The following GSN variants were observed in gnomAD, a reference collection of about 807,000 sequenced individuals.
GSN encodes actin-depolymerizing factor.
In GSN, 56 loss-of-function variants were observed where a neutral mutation model predicts 85.7. That is an observed-to-expected ratio of 0.65 (90% CI 0.53 to 0.82). The LOEUF (loss-of-function observed/expected upper bound fraction) is 0.82, where lower values mean the gene tolerates loss of function less well. GSN is among the 40% of genes least tolerant of loss of function. The probability of loss-of-function intolerance (pLI) is 0.00; values close to 1 mark genes in which losing one functional copy is unlikely to be tolerated. For synonymous variants in GSN, 373 were observed against 399.1 expected (o/e 0.93, Z 0.78); for missense variants, 857 against 979.8 (o/e 0.87, Z 1.67).
chr9:121,212,098 T>C (rs1353403642), intron 4 of GSN, among the ~76,000 whole-genome samples: 1 of 152,124 alleles, frequency 6.6e-6, no homozygotes, highest in Non-Finnish European at 1.5e-5. Context: ...TAGAGTCCCT[T>C]ATATGGGCCG....
In GSN at chr9:121,312,324, G is replaced by T. The variant is rs763315742; in HGVS notation, c.514-15G>T. 5 of 1,613,846 alleles carry T rather than the reference G, an allele frequency of 3.1e-6. No homozygotes were observed. The highest frequency in any genetic ancestry group is 4.2e-6 in the Non-Finnish European group (5 of 1,179,918). ...GGAAGGCGGGGCACTGACTTCCTGG[G>T]TCTCTGTCTTCCAGAACATCCACCA... is the stretch of plus-strand genomic sequence containing the variant. On this transcript the variant is annotated splice_polypyrimidine_tract_variant and intron_variant, in intron 5 of 17. Transcript: ENST00000432226.
upstream of GSN, among the ~76,000 whole-genome samples, chr9:121,266,630 A>G (rs1031602141): frequency 6.6e-6 from 1 of 152,244 alleles, no homozygotes; most frequent in African/African-American, 2.4e-5. Flanking sequence ...GGACTCAGGC[A>G]TAGAAGAGTA....
At chr9:121,282,807 AATGTT>A in intron 2 of GSN, 1 of 375,124 alleles carries the variant, frequency 2.7e-6, no homozygotes, top group Middle Eastern at 7.1e-4. Flanking sequence ...CAACAAAAAG[AATGTT>A]ATGCTCTGTT....
chr9:121,316,135 C>A (rs1451602826), intron 7 of GSN, among the ~76,000 whole-genome samples: 1 of 152,176 alleles, frequency 6.6e-6, no homozygotes, highest in Non-Finnish European at 1.5e-5. Flanking sequence ...CAGAGCCTTG[C>A]CAACTGGATA....
At chr9:121,316,938 A>T in intron 7 of GSN, 148 bp from the exon 8 acceptor site, 1 of 995,000 alleles carries the variant, frequency 1.0e-6, no homozygotes, top group East Asian at 2.5e-5. Flanking sequence ...CAGAAAACGA[A>T]AAAGAACCTC....
Position 121,302,048 on chromosome 9 carries a change from A to G in GSN, c.77A>G (p.Asp26Gly), listed in dbSNP as rs2059929550. Reference protein sequence around the residue: ...GLQIWRVEKFDLVPVPTNLYG... With the variant: ...GLQIWRVEKFGLVPVPTNLYG... ...CAGATCTGGCGTGTGGAGAAGTTCGATCTGGTGCCCGTGCCCACCAACCTT... is the reference window on the plus strand; with the variant it reads ...CAGATCTGGCGTGTGGAGAAGTTCGGTCTGGTGCCCGTGCCCACCAACCTT... Residue 26 changes from aspartate (D) to glycine (G), a missense_variant, in exon 3 of 18, where the codon GAT becomes GGT. Asp to Gly is a moderately conservative substitution (Grantham distance 94). Transcript: ENST00000432226. 6.2e-7 allele frequency: 1 copy of G among 1,614,122 alleles called. No homozygotes were observed. Among genetic ancestry groups the G allele is most frequent in the African/African-American group, 1.3e-5 (1 of 74,948 alleles).
intron 4 of GSN, among the ~76,000 whole-genome samples, chr9:121,215,656 T>C (rs1176713196): frequency 1.3e-5 from 2 of 151,272 alleles, no homozygotes; most frequent in African/African-American, 4.9e-5. Context: ...ATCGCGCCAC[T>C]GCACTCCAGC....
chr9:121,294,365 G>A (rs940913205), intron 2 of GSN, among the ~76,000 whole-genome samples: 1 of 152,168 alleles, frequency 6.6e-6, no homozygotes, highest in Admixed American at 6.5e-5. Flanking sequence ...CACCTCTCAG[G>A]GCCATTTCCT....
At chr9:121,306,776 CTTTAA>C (rs1010995547) in intron 4 of GSN, among the ~76,000 whole-genome samples, 4 of 152,234 alleles carry the variant, frequency 2.6e-5, no homozygotes, top group African/African-American at 7.2e-5. Context: ...TAAGAGCTTG[CTTTAA>C]TTTATTTTTG....
At chr9:121,285,797 T>C (rs540106850) in intron 2 of GSN, among the ~76,000 whole-genome samples, 1 of 152,262 alleles carries the variant, frequency 6.6e-6, no homozygotes, top group South Asian at 2.1e-4. Flanking sequence ...CAGAGAATGG[T>C]AGTGACTCCT....
At position 121,299,624 on chromosome 9, in the gene GSN, C is replaced by T. The variant is rs10760172; in HGVS notation, c.-9-2339C>T. ...ATTTAGTGTGCACACAGCTAGCGCC[C>T]GCCGTATGTCAGGCCTGGTGCTGGG... On this transcript the variant is annotated intron_variant, in intron 2 of 17. Coordinates refer to ENST00000432226, the MANE Select transcript of GSN (RefSeq NM_198252.3). This position sits in a 1 kb window ranked among gnomAD's most constrained non-coding sequence, Gnocchi z 4.2. 195,882 of 467,874 alleles carry T rather than the reference C, an allele frequency of 0.42. 44,576 individuals are homozygous for T. Among genetic ancestry groups the T allele is most frequent in the East Asian group, 0.61 (3,958 of 6,450 alleles). The allele number at this position is 467,874 out of a possible 1,614,324, so 29.0% of individuals were successfully genotyped here.
chr9:121,248,385 C>T (rs1444587351), intron 6 of GSN: 1 of 152,436 alleles, frequency 6.6e-6, no homozygotes, highest in African/African-American at 2.4e-5. Context: ...TCTCTTTCAT[C>T]TTCCTCCTTC....
intron 17 of GSN, 169 bp downstream of exon 17, chr9:121,331,617 A>T (rs552809648): frequency 1.6e-6 from 1 of 611,522 alleles, no homozygotes; most frequent in African/African-American, 1.9e-5. Context: ...CCTGCCTGGG[A>T]TAGTGAAGAA....
chr9:121,300,271 C>G (rs2059688706), intron 2 of GSN: 2 of 620,798 alleles, frequency 3.2e-6, no homozygotes, highest in Non-Finnish European at 5.9e-6. Context: ...TACCTCCTGT[C>G]TCCTGAATTC....
rs113759985 is a variant in GSN at position 121,317,086 on chromosome 9, G to A, written c.754G>A (p.Val252Ile). Reference protein sequence around the residue: ...ANRKLAKLYKVSNGAGTMSVS... With the variant: ...ANRKLAKLYKISNGAGTMSVS... ...GGTTCCTTCTGCTTCGTCCCCTCAG[G>A]TCTCCAATGGTGCAGGGACCATGTC... Residue 252 changes from valine to isoleucine, a missense_variant and splice_region_variant, in exon 8 of 18, where the codon GTC (valine) becomes ATC (isoleucine). By Grantham distance (29) the Val-to-Ile change is conservative (BLOSUM62 3). Transcript: ENST00000432226. The A allele has an allele frequency of 6.2e-7, 1 of 1,614,170 alleles. No homozygotes were observed. Among genetic ancestry groups the A allele is most frequent in the African/African-American group, 1.3e-5 (1 of 75,056 alleles).
intron 5 of GSN, among the ~76,000 whole-genome samples, chr9:121,240,611 G>T (rs936910873): frequency 2.0e-5 from 3 of 152,144 alleles, no homozygotes; most frequent in African/African-American, 7.2e-5. Context: ...GAGTCAGTTG[G>T]GTTAGCTTGT....
intron 4 of GSN, among the ~76,000 whole-genome samples, chr9:121,306,888 TTA>T (rs2060471495): frequency 6.6e-6 from 1 of 152,092 alleles, no homozygotes; most frequent in South Asian, 2.1e-4. Context: ...ACATCAAGAG[TTA>T]TGTTATAAGG....
At chr9:121,222,574 C>A (rs1456617848) in intron 4 of GSN, among the ~76,000 whole-genome samples, 2 of 152,114 alleles carry the variant, frequency 1.3e-5, no homozygotes, top group Non-Finnish European at 2.9e-5. Context: ...ATTTATGGGA[C>A]AAAATTTGCA....
intron 4 of GSN, among the ~76,000 whole-genome samples, chr9:121,222,561 T>C (rs2054189195): frequency 6.6e-6 from 1 of 152,244 alleles, no homozygotes; most frequent in African/African-American, 2.4e-5. Context: ...TTATTTATTG[T>C]ACATTTATGG....
Sources: gnomAD v4.1 joint callset for allele counts (sites outside exome capture counted in the v4.1 genomes callset) on GRCh38, gnomAD v4.1.1 for gene constraint, Gnocchi (gnomAD v3.1) non-coding constraint, MANE v1.5 for transcripts, NCBI Gene and HGNC (gene_info 2026-07-23, HGNC 2026-07-21) for gene names.